The following TMPRSS15 variants were observed in gnomAD, a reference collection of about 807,000 sequenced individuals.
The protein encoded by TMPRSS15 is transmembrane serine protease 15.
TMPRSS15 carries 128 observed loss-of-function variants against 125.3 expected under a neutral mutation model. The ratio of observed to expected loss-of-function variants is 1.02; its 90% CI spans 0.89 to 1.18. TMPRSS15 has a LOEUF of 1.18. Among genes scored for constraint, TMPRSS15 ranks in the 50% most tolerant of loss-of-function variants. The pLI is 0.00. For missense variants in TMPRSS15, 1,283 were observed against 1,212.7 expected (o/e 1.06, Z -0.86); for synonymous variants, 446 against 423.2 (o/e 1.05, Z -0.66).
Position 18,433,974 on chromosome 21 carries a change from A to G in TMPRSS15, c.11-35645T>C, listed in dbSNP as rs935917296. Among the ~76,000 whole-genome samples the G allele has an allele frequency of 4.6e-5, 7 of 152,196 alleles. No individual in the cohort carries two copies. The East Asian group carries it at 1.2e-3, about 25-fold the overall frequency. ...TACTCACTACTTACTCTGAAAAGCC[A>G]TTGTTGCCAATTTGGCAGGTCCAAT... On this transcript the variant is annotated intron_variant, in intron 1 of 7. Coordinates refer to the TMPRSS15 transcript ENST00000422787.
intron 1 of TMPRSS15, among the ~76,000 whole-genome samples, chr21:18,414,745 T>C (rs1051329288): frequency 2.0e-5 from 3 of 152,196 alleles, no homozygotes; most frequent in Admixed American, 1.3e-4. Context: ...TGCTTCTTTA[T>C]CCATTTATCT....
At chr21:18,311,930 T>G (rs1286089317) in intron 18 of TMPRSS15, among the ~76,000 whole-genome samples, 1 of 152,184 alleles carries the variant, frequency 6.6e-6, no homozygotes, top group Non-Finnish European at 1.5e-5. Context: ...AGAGTGTATA[T>G]ATAATGTATT....
At chr21:18,341,184 C>G (rs1343195458) in intron 13 of TMPRSS15, among the ~76,000 whole-genome samples, 1 of 152,164 alleles carries the variant, frequency 6.6e-6, no homozygotes, top group East Asian at 1.9e-4. Flanking sequence ...GCCTCAGCCT[C>G]TCCGGTAGCT....
At chr21:18,374,171 T>C (rs1172993762) in intron 5 of TMPRSS15, among the ~76,000 whole-genome samples, 5 of 152,140 alleles carry the variant, frequency 3.3e-5, no homozygotes, top group Admixed American at 1.3e-4. Context: ...TATTTAGTGA[T>C]GTGTGAAGAG....
intron 1 of TMPRSS15, among the ~76,000 whole-genome samples, chr21:18,398,969 A>C (rs2076068818): frequency 6.6e-6 from 1 of 152,100 alleles, no homozygotes; most frequent in Non-Finnish European, 1.5e-5. Flanking sequence ...AAAAAAATGT[A>C]AAAAAAGAAG....
At chr21:18,456,140 T>A (rs1340053117) in intron 1 of TMPRSS15, among the ~76,000 whole-genome samples, 1 of 152,148 alleles carries the variant, frequency 6.6e-6, no homozygotes, top group African/African-American at 2.4e-5. Flanking sequence ...GAACAGATAA[T>A]ACAGAATTAT....
chr21:18,409,104 GGTAA>G (rs1421511537), intron 1 of TMPRSS15, among the ~76,000 whole-genome samples: 1 of 151,850 alleles, frequency 6.6e-6, no homozygotes, highest in African/African-American at 2.4e-5. Context: ...TTGATGCATG[GGTAA>G]GTGACAAGTT....
At chr21:18,371,153 G>T (rs1356756390) in intron 6 of TMPRSS15, among the ~76,000 whole-genome samples, 1 of 152,056 alleles carries the variant, frequency 6.6e-6, no homozygotes, top group East Asian at 1.9e-4. Flanking sequence ...TATCTACTAT[G>T]TTTTTTCCTA....
chr21:18,434,870 A>G (rs2076224450), intron 1 of TMPRSS15, among the ~76,000 whole-genome samples: 1 of 152,076 alleles, frequency 6.6e-6, no homozygotes, highest in African/African-American at 2.4e-5. Context: ...GCCTTATATA[A>G]TTATAATTTG....
intron 15 of TMPRSS15, among the ~76,000 whole-genome samples, chr21:18,328,832 A>G (rs999228706): frequency 2.6e-5 from 4 of 152,184 alleles, no homozygotes; most frequent in African/African-American, 9.6e-5. Context: ...CAGTATTCAC[A>G]CTGATGTGAT....
At chr21:18,349,216 T>C (rs1280974203) in intron 10 of TMPRSS15, among the ~76,000 whole-genome samples, 12 of 152,206 alleles carry the variant, frequency 7.9e-5, no homozygotes, top group Admixed American at 7.2e-4. Context: ...ATTATGAACC[T>C]CATTTGTCCT....
chr21:18,340,354 C>A (rs531561026), intron 13 of TMPRSS15, among the ~76,000 whole-genome samples: 34 of 152,276 alleles, frequency 2.2e-4, no homozygotes, highest in South Asian at 1.5e-3. Flanking sequence ...ACTCTTGGAC[C>A]TACACCTGGT....
intron 21 of TMPRSS15, among the ~76,000 whole-genome samples, chr21:18,291,766 T>A (rs543111202): frequency 3.0e-4 from 46 of 152,268 alleles, no homozygotes; most frequent in African/African-American, 1.1e-3. Context: ...AAAAAAATAA[T>A]TCCATTGAAT....
intron 5 of TMPRSS15, among the ~76,000 whole-genome samples, chr21:18,375,150 TC>T (rs1380627063): frequency 6.6e-6 from 1 of 152,220 alleles, no homozygotes; most frequent in Non-Finnish European, 1.5e-5. Flanking sequence ...ACAGAAGTTT[TC>T]TGTATTAAAA....
rs149331253 is a variant in TMPRSS15 at position 18,305,249 on chromosome 21, C to T, written c.2166-7420G>A. 8.7e-3 allele frequency among the ~76,000 whole-genome samples: 1,106 copies of T among 127,396 alleles called. 13 individuals are homozygous for T. The highest frequency in any genetic ancestry group is 0.028 in the African/African-American group (965 of 33,904). The allele number at this position is 127,396 out of a possible 152,430, so 83.6% of individuals were successfully genotyped here. ...TGTCGCCCAGGCTGGAGTGCAGTGG[C>T]GCGATCTCGGCTCACTGCAAGCTCC... On this transcript the variant is annotated intron_variant, in intron 18 of 24. Transcript: ENST00000284885.
At chr21:18,278,927 T>TG (rs201910878) in intron 23 of TMPRSS15, 37 bp downstream of exon 23, 7 of 581,508 alleles carry the variant, frequency 1.2e-5, no homozygotes, top group African/African-American at 1.2e-4. Context: ...CAGTAAGGTT[T>TG]TTTTTTTTTT....
At chr21:18,439,093 C>T (rs530527821) in intron 1 of TMPRSS15, among the ~76,000 whole-genome samples, 2 of 152,282 alleles carry the variant, frequency 1.3e-5, no homozygotes, top group African/African-American at 4.8e-5. Context: ...GATAATGTCT[C>T]CCAAATGATC....
At chr21:18,448,279 T>A (rs958949136) in intron 1 of TMPRSS15, among the ~76,000 whole-genome samples, 1 of 152,194 alleles carries the variant, frequency 6.6e-6, no homozygotes, top group African/African-American at 2.4e-5. Context: ...TATGACATTG[T>A]GTCTAATTGA....
At chr21:18,353,090 G>T (rs2075587666) in intron 9 of TMPRSS15, 38 bp from the exon 10 acceptor site, 1 of 1,573,262 alleles carries the variant, frequency 6.4e-7, no homozygotes, top group Non-Finnish European at 8.7e-7. Flanking sequence ...AAAAAATTTA[G>T]TCCATAATGT....
Sources: gnomAD v4.1 joint callset for allele counts (sites outside exome capture counted in the v4.1 genomes callset) on GRCh38, gnomAD v4.1.1 for gene constraint, MANE v1.5 for transcripts, NCBI Gene and HGNC (gene_info 2026-07-23, HGNC 2026-07-21) for gene names.